EYS: variants seen among roughly 807,000 people sequenced by gnomAD.
The protein encoded by EYS is EGF-like photoreceptor maintenance factor, also known as protein eyes shut homolog.
EYS carries 250 observed loss-of-function variants against 282.1 expected under a neutral mutation model. That is an observed-to-expected ratio of 0.89 (90% CI 0.80 to 0.98). The LOEUF is 0.98. Among genes scored for constraint, EYS ranks in the 50% least tolerant of loss-of-function variants. The probability of loss-of-function intolerance (pLI) is 0.00; values close to 1 mark genes in which losing one functional copy is unlikely to be tolerated. For missense variants in EYS, 4,016 were observed against 3,709.0 expected (o/e 1.08, Z -2.15); for synonymous variants, 1,355 against 1,282.9 (o/e 1.06, Z -1.20).
intron 30 of EYS, among the ~76,000 whole-genome samples, chr6:64,292,299 A>C (rs1768743051): frequency 6.6e-6 from 1 of 152,210 alleles, no homozygotes. Flanking sequence ...GAAACACCTT[A>C]AATTACTTTT....
At chr6:64,926,105 C>T (rs1768509634) in intron 15 of EYS, among the ~76,000 whole-genome samples, 1 of 152,170 alleles carries the variant, frequency 6.6e-6, no homozygotes, top group African/African-American at 2.4e-5. Flanking sequence ...TTAGCCAAAG[C>T]ACTCCTAGTT....
intron 12 of EYS, among the ~76,000 whole-genome samples, chr6:65,075,559 T>C (rs1406141177): frequency 4.6e-5 from 7 of 152,032 alleles, no homozygotes; most frequent in Non-Finnish European, 1.0e-4. Context: ...GTTAAAGTTT[T>C]AGATGAACCC....
intron 2 of EYS, among the ~76,000 whole-genome samples, chr6:65,567,179 T>A (rs1378997510): frequency 6.6e-6 from 1 of 151,822 alleles, no homozygotes; most frequent in Non-Finnish European, 1.5e-5. Context: ...AAGAAGGCTG[T>A]CACCAGATCC....
At chr6:65,606,412 C>T (rs957060202) in intron 2 of EYS, among the ~76,000 whole-genome samples, 4 of 151,682 alleles carry the variant, frequency 2.6e-5, no homozygotes, top group African/African-American at 7.2e-5. Context: ...ATACCATTTT[C>T]GTAAAATGAA....
chr6:65,694,903 TAATAA>T (rs1371382134), intron 1 of EYS, among the ~76,000 whole-genome samples: 2 of 151,980 alleles, frequency 1.3e-5, no homozygotes, highest in Non-Finnish European at 2.9e-5. Flanking sequence ...GAAAAATTAT[TAATAA>T]AATATAAAAT....
At chr6:64,375,426 A>C (rs1772530686) in intron 29 of EYS, among the ~76,000 whole-genome samples, 2 of 152,224 alleles carry the variant, frequency 1.3e-5, no homozygotes, top group African/African-American at 4.8e-5. Context: ...GACAGTGTGA[A>C]ATTTTTCCAG....
intron 31 of EYS, among the ~76,000 whole-genome samples, chr6:64,193,037 A>C (rs1430014037): frequency 3.3e-5 from 5 of 152,350 alleles, no homozygotes; most frequent in African/African-American, 1.2e-4. Flanking sequence ...ATTTAAAATA[A>C]TTAATTTCTG....
chr6:64,174,738 T>A (rs1220327296), intron 31 of EYS, among the ~76,000 whole-genome samples: 1 of 152,006 alleles, frequency 6.6e-6, no homozygotes, highest in Non-Finnish European at 1.5e-5. Context: ...ACTTTCATCC[T>A]AAATTAAAAT....
At chr6:64,652,091 TA>T (rs1768583580) in intron 22 of EYS, among the ~76,000 whole-genome samples, 1 of 152,208 alleles carries the variant, frequency 6.6e-6, no homozygotes, top group South Asian at 2.1e-4. Flanking sequence ...GAACTTATTT[TA>T]GGACAGTTAT....
intron 5 of EYS, among the ~76,000 whole-genome samples, chr6:65,482,727 C>T (rs1420281594): frequency 6.6e-6 from 1 of 152,152 alleles, no homozygotes; most frequent in Non-Finnish European, 1.5e-5. Context: ...TGTTATCTGT[C>T]CAAAATGGTA....
intron 29 of EYS, among the ~76,000 whole-genome samples, chr6:64,332,983 G>C (rs1413228496): frequency 6.6e-6 from 1 of 152,096 alleles, no homozygotes; most frequent in South Asian, 2.1e-4. Context: ...TTCACCTATG[G>C]TTATAAAAGG....
chr6:65,386,431 T>G (rs964352637), intron 7 of EYS, among the ~76,000 whole-genome samples: 1 of 151,622 alleles, frequency 6.6e-6, no homozygotes, highest in African/African-American at 2.4e-5. Context: ...AAGGGAAAAC[T>G]TTCCTACTGA....
chr6:65,639,516 C>T (rs1346069085), intron 2 of EYS, among the ~76,000 whole-genome samples: 4 of 151,990 alleles, frequency 2.6e-5, no homozygotes, highest in Non-Finnish European at 5.9e-5. Flanking sequence ...CAAAGTAACA[C>T]CAACAATGTG....
At chr6:64,335,249 A>ACCCCC (rs1770800689) in intron 29 of EYS, among the ~76,000 whole-genome samples, 5 of 121,354 alleles carry the variant, frequency 4.1e-5, no homozygotes, top group Non-Finnish European at 5.2e-5. Context: ...GACTCCCCCC[A>ACCCCC]CCCCCCCTCC....
At chr6:64,377,183 C>T (rs11965990) in intron 29 of EYS, among the ~76,000 whole-genome samples, 4,730 of 152,022 alleles carry the variant, frequency 0.031, 229 homozygotes, top group African/African-American at 0.11. Context: ...CAGCTCTTAT[C>T]TCATTGAAAA....
At chr6:65,087,014 G>A (rs1581897119) in intron 12 of EYS, among the ~76,000 whole-genome samples, 1 of 152,040 alleles carries the variant, frequency 6.6e-6, no homozygotes, top group East Asian at 1.9e-4. Flanking sequence ...GTAGATATGG[G>A]GTTTCACCAT....
chr6:64,846,128 C>A (rs1562222621), intron 19 of EYS, among the ~76,000 whole-genome samples: 1 of 152,056 alleles, frequency 6.6e-6, no homozygotes. Context: ...AAGTAGAATC[C>A]ACATTTCTTA....
At chr6:65,484,053 A>G (rs1189549543) in intron 5 of EYS, among the ~76,000 whole-genome samples, 1 of 152,104 alleles carries the variant, frequency 6.6e-6, no homozygotes, top group Non-Finnish European at 1.5e-5. Flanking sequence ...TATCCGATGG[A>G]TAGATATAGA....
intron 29 of EYS, among the ~76,000 whole-genome samples, chr6:64,313,663 C>A (rs1429734351): frequency 6.6e-6 from 1 of 152,064 alleles, no homozygotes; most frequent in Non-Finnish European, 1.5e-5. Flanking sequence ...AAAGGAAGCC[C>A]ATCAGACTAA....
Sources: allele counts gnomAD v4.1 joint callset (sites outside exome capture counted in the v4.1 genomes callset), GRCh38; gene constraint gnomAD v4.1.1; transcripts MANE v1.5; gene names NCBI Gene and HGNC (gene_info 2026-07-23, HGNC 2026-07-21).